Variants in SFXN1 observed in about 807,000 individuals in gnomAD.
SFXN1 encodes sideroflexin-1.
Under a neutral mutation model 39.5 loss-of-function variants are expected in SFXN1, and 32 were observed. The observed-to-expected ratio is 0.81, with a 90% CI of 0.61 to 1.09. The LOEUF (loss-of-function observed/expected upper bound fraction) is 1.09. Ranked by LOEUF, SFXN1 falls within the 50% of genes least tolerant of loss-of-function variation. SFXN1 has a pLI of 0.00. For missense variants in SFXN1, 402 were observed against 407.1 expected (o/e 0.99, Z 0.11); for synonymous variants, 136 against 146.5 (o/e 0.93, Z 0.52).
intron 2 of SFXN1, among the ~76,000 whole-genome samples, chr5:175,493,421 C>T (rs1286814093): frequency 6.6e-6 from 1 of 152,172 alleles, no homozygotes; most frequent in South Asian, 2.1e-4. Context: ...ACATCAGAAG[C>T]AGGTCCTTAA....
chr5:175,479,975 A>G (rs540344240), intron 1 of SFXN1, among the ~76,000 whole-genome samples: 2 of 152,288 alleles, frequency 1.3e-5, no homozygotes, highest in South Asian at 2.1e-4. Context: ...TGCAGCTCCT[A>G]CAGCTTCAGA....
rs1760421388 is a variant in SFXN1, at chr5:175,509,158, T to C, written c.291T>C (p.Val97=). 6.2e-7 allele frequency: 1 copy of C among 1,613,572 alleles called. No individual in the cohort carries two copies. Among genetic ancestry groups the C allele is most frequent in the Admixed American group, 1.7e-5 (1 of 59,864 alleles). ...MILIGRMSAQ[V]PMNMTITGCM... ...TGATAGGAAGAATGTCAGCCCAGGT[T>C]CCCATGAACATGACCATCACAGGTT... Residue 97 remains valine (V), a synonymous_variant, in exon 3 of 11, where the codon GTT becomes GTC. Transcript: ENST00000321442.
At chr5:175,481,881 C>CGAT (rs747717857) in intron 1 of SFXN1, among the ~76,000 whole-genome samples, 12,700 of 152,150 alleles carry the variant, frequency 0.083, 890 homozygotes, top group African/African-American at 0.2. Flanking sequence ...TAAAAAAGGC[C>CGAT]ACTATATGCA....
intron 7 of SFXN1, among the ~76,000 whole-genome samples, chr5:175,514,411 C>G (rs553324429): frequency 6.6e-6 from 1 of 152,180 alleles, no homozygotes; most frequent in Non-Finnish European, 1.5e-5. Context: ...CCTAAGGCTG[C>G]TTAGAGCTAC....
chr5:175,479,326 C>G (rs1014702954), intron 1 of SFXN1, among the ~76,000 whole-genome samples: 4 of 152,262 alleles, frequency 2.6e-5, no homozygotes, highest in Admixed American at 2.6e-4. Context: ...TCCGGCCCTG[C>G]GAGGTACTGG....
chr5:175,507,975 A>AAAAAAAAAT (rs1561666984), intron 2 of SFXN1, among the ~76,000 whole-genome samples: 1 of 71,480 alleles, frequency 1.4e-5, no homozygotes, highest in Non-Finnish European at 4.2e-5. Flanking sequence ...CCTGTCTTTA[A>AAAAAAAAAT]AAAAAAAAAA....
At chr5:175,509,517 CT>C (rs79308152) in intron 3 of SFXN1, 1,849 of 164,322 alleles carry the variant, frequency 0.011, no homozygotes, top group Middle Eastern at 0.018. Context: ...CTCTGGGACT[CT>C]TTTTTTTTTT....
At position 175,528,198 on chromosome 5, in the gene SFXN1, C is replaced by G. The variant is rs1031492473; in HGVS notation, c.*1464C>G. 6.6e-6 allele frequency: 1 copy of G among 151,896 alleles called. No individual in the cohort carries two copies. Among genetic ancestry groups the G allele is most frequent in the Non-Finnish European group, 1.5e-5 (1 of 67,992 alleles). 9.4% of individuals were successfully genotyped at this position (151,896 alleles called of 1,614,324 possible). The stretch of plus-strand genomic sequence containing the variant: ...TGCTGGGATTACAAGCGTGAGCCAC[C>G]GCACCCGGCCTGAAAATATTTTCTA... On this transcript the variant is annotated 3_prime_UTR_variant, in exon 11 of 11. Transcript: ENST00000321442.
At chr5:175,481,078 G>C (rs1759232233) in intron 1 of SFXN1, among the ~76,000 whole-genome samples, 1 of 152,178 alleles carries the variant, frequency 6.6e-6, no homozygotes, top group East Asian at 1.9e-4. Flanking sequence ...TGGCATCTCC[G>C]AGTTGATTCT....
intron 4 of SFXN1, 169 bp downstream of exon 4, chr5:175,510,376 AT>A (rs1581309269): frequency 1.7e-6 from 1 of 595,008 alleles, no homozygotes; most frequent in East Asian, 3.0e-5. Context: ...AAAGTGTTTC[AT>A]TTTCTCTCTC....
At chr5:175,483,456 G>C (rs1759331414) in intron 1 of SFXN1, 1 of 152,096 alleles carries the variant, frequency 6.6e-6, no homozygotes, top group African/African-American at 2.4e-5. Context: ...TAACACCTCA[G>C]TTGTCCGAGC....
rs117451706 is a variant in SFXN1 at position 175,510,161 on chromosome 5, G to A, written c.388G>A (p.Val130Ile). ...WQWINQSFNA[V>I]VNYTNRSGDA... ...GTGGATTAACCAGTCCTTCAATGCC[G>A]TCGTCAATTACACCAACAGAAGTGG... Residue 130 changes from valine to isoleucine, a missense_variant, in exon 4 of 11, where the codon GTC (valine) becomes ATC (isoleucine). Physicochemically the swap from Val to Ile is conservative, Grantham distance 29. Transcript: ENST00000321442. The A allele has an allele frequency of 3.2e-4, 518 of 1,613,230 alleles. 4 individuals carry two copies. In the East Asian group the frequency reaches 8.8e-3, roughly 27 times the overall value.
chr5:175,508,416 A>G (rs2662165), intron 2 of SFXN1, among the ~76,000 whole-genome samples: 37,533 of 151,194 alleles, frequency 0.25, 6,410 homozygotes, highest in African/African-American at 0.48. Context: ...TTATTTTTTT[A>G]TAGAGACAGA....
At chr5:175,499,992 C>T (rs1238340729) in intron 2 of SFXN1, among the ~76,000 whole-genome samples, 5 of 152,146 alleles carry the variant, frequency 3.3e-5, no homozygotes, top group African/African-American at 1.2e-4. Flanking sequence ...AGTTCAAGAC[C>T]AGCCTGGCCA....
chr5:175,513,804 C>T, intron 7 of SFXN1: 1 of 448,422 alleles, frequency 2.2e-6, no homozygotes, highest in East Asian at 4.1e-5. Context: ...GGTAGGGCAG[C>T]CGGGGAAGAG....
At chr5:175,499,795 A>G (rs925290950) in intron 2 of SFXN1, among the ~76,000 whole-genome samples, 23 of 152,254 alleles carry the variant, frequency 1.5e-4, no homozygotes, top group Admixed American at 2.6e-4. Context: ...AACTAGGGCA[A>G]TAAGAGAAAA....
chr5:175,524,142 A>G, intron 10 of SFXN1: 1 of 22,242 alleles, frequency 4.5e-5, no homozygotes. Flanking sequence ...ATATATATAT[A>G]TATATATATA....
At chr5:175,509,225 C>G (rs762487779) in intron 3 of SFXN1, 23 bp downstream of exon 3, 1 of 1,587,222 alleles carries the variant, frequency 6.3e-7, no homozygotes, top group Non-Finnish European at 8.6e-7. Context: ...TATGTAGCAA[C>G]AGTGTGTTTA....
intron 6 of SFXN1, 147 bp downstream of exon 6, chr5:175,512,343 G>A (rs1030867345): frequency 2.0e-5 from 15 of 745,804 alleles, no homozygotes; most frequent in Non-Finnish European, 3.0e-5. Flanking sequence ...GAAATACTCT[G>A]GGGTTGGGGA....
Sources: gnomAD v4.1 joint callset for allele counts (sites outside exome capture counted in the v4.1 genomes callset) on GRCh38, gnomAD v4.1.1 for gene constraint, MANE v1.5 for transcripts, NCBI Gene and HGNC (gene_info 2026-07-23, HGNC 2026-07-21) for gene names.